The following SNAPC3 variants were observed in gnomAD, a reference collection of about 807,000 sequenced individuals.
SNAPC3 encodes the protein small nuclear RNA activating complex polypeptide 3, also known as snRNA-activating protein complex subunit 3.
In SNAPC3, 56 loss-of-function variants were observed where a neutral mutation model predicts 47.7. The observed-to-expected ratio is 1.18, with a 90% CI of 0.95 to 1.47. The LOEUF (loss-of-function observed/expected upper bound fraction) is 1.47, where lower values mean the gene tolerates loss of function less well. Ranked by LOEUF, SNAPC3 falls within the 40% of genes most tolerant of loss-of-function variation. The probability of loss-of-function intolerance (pLI) is 0.00; values close to 1 mark genes in which losing one functional copy is unlikely to be tolerated. For missense variants in SNAPC3, 665 were observed against 511.3 expected, an observed-to-expected ratio of 1.30 and a Z score of -2.90; for synonymous variants, 235 against 189.9, an observed-to-expected ratio of 1.24 and a Z score of -1.95.
downstream of SNAPC3, chr9:15,462,712 A>C (rs1425191227): frequency 6.6e-6 from 1 of 152,234 alleles, no homozygotes; most frequent in Non-Finnish European, 1.5e-5. Context: ...TTTAAGGACA[A>C]TTAGACATTC....
In SNAPC3 at chr9:15,451,823, T is replaced by C. The variant is rs143349266; in HGVS notation, c.815+421T>C. On this transcript the variant is annotated intron_variant, in intron 6 of 8. Coordinates refer to ENST00000380821, the MANE Select transcript of SNAPC3 (RefSeq NM_001039697.2). ...TCTGCCTATCCAGCATATACTATTG[T>C]TTGCCCTAGGTGATGGTGATATATA... Among the ~76,000 whole-genome samples, 642 of 152,272 alleles carry C rather than the reference T, an allele frequency of 4.2e-3. 10 individuals are homozygous for C. The highest frequency in any genetic ancestry group is 0.015 in the African/African-American group (622 of 41,532).
At chr9:15,464,793 CCAGT>C (rs2035499650), downstream of SNAPC3, 1 of 206,260 alleles carries the variant, frequency 4.8e-6, no homozygotes, top group Non-Finnish European at 9.9e-6. Context: ...CTATATATAC[CCAGT>C]CAGTTGTCTG....
chr9:15,448,848 T>A (rs1345289716), intron 5 of SNAPC3, among the ~76,000 whole-genome samples: 3 of 152,102 alleles, frequency 2.0e-5, no homozygotes, highest in Non-Finnish European at 4.4e-5. Context: ...GGGGCTCTGT[T>A]GCCCAGGCTG....
intron 7 of SNAPC3, among the ~76,000 whole-genome samples, chr9:15,456,373 G>A (rs529505218): frequency 6.6e-6 from 1 of 152,254 alleles, no homozygotes; most frequent in South Asian, 2.1e-4. Flanking sequence ...AAGGCTGAAG[G>A]ATAAAAACAT....
chr9:15,430,344 A>C (rs1424448636), intron 2 of SNAPC3, among the ~76,000 whole-genome samples: 2 of 152,174 alleles, frequency 1.3e-5, no homozygotes, highest in Non-Finnish European at 2.9e-5. Context: ...GGGTGGAAGG[A>C]TCACTTGAGC....
intron 2 of SNAPC3, among the ~76,000 whole-genome samples, chr9:15,426,198 G>T (rs796805145): frequency 6.6e-6 from 1 of 152,096 alleles, no homozygotes; most frequent in Admixed American, 6.6e-5. Context: ...CAGTGTTCCA[G>T]CCACACTGCA....
intron 2 of SNAPC3, among the ~76,000 whole-genome samples, chr9:15,431,259 C>G (rs2032106862): frequency 6.6e-6 from 1 of 152,278 alleles, no homozygotes; most frequent in East Asian, 1.9e-4. Flanking sequence ...TCCACTGATG[C>G]AGTACCATAG....
chr9:15,441,211 A>T, intron 3 of SNAPC3, among the ~76,000 whole-genome samples: 1 of 149,092 alleles, frequency 6.7e-6, no homozygotes, highest in Non-Finnish European at 1.5e-5. Flanking sequence ...TAACGTTATT[A>T]TTATTTTTTT....
chr9:15,427,849 A>C (rs2031627541), intron 2 of SNAPC3, among the ~76,000 whole-genome samples: 1 of 152,138 alleles, frequency 6.6e-6, no homozygotes, highest in African/African-American at 2.4e-5. Flanking sequence ...CCACCAAACC[A>C]ACCACAAATG....
At chr9:15,442,678 C>T (rs1183323850) in intron 3 of SNAPC3, among the ~76,000 whole-genome samples, 2 of 152,100 alleles carry the variant, frequency 1.3e-5, no homozygotes, top group South Asian at 4.1e-4. Flanking sequence ...ACGCTCCGCA[C>T]TTCCCAGACT....
At chr9:15,453,887 C>A (rs2034576660) in intron 7 of SNAPC3, among the ~76,000 whole-genome samples, 1 of 152,046 alleles carries the variant, frequency 6.6e-6, no homozygotes. Flanking sequence ...TGTGTTTGAC[C>A]AGTAATTAGA....
At chr9:15,431,368 T>C (rs887820681) in intron 2 of SNAPC3, among the ~76,000 whole-genome samples, 2 of 152,198 alleles carry the variant, frequency 1.3e-5, no homozygotes, top group Non-Finnish European at 2.9e-5. Context: ...TCCTTCTGTT[T>C]GCTATTATTC....
chr9:15,439,693 C>G (rs543604525), intron 3 of SNAPC3, among the ~76,000 whole-genome samples: 1 of 152,048 alleles, frequency 6.6e-6, no homozygotes, highest in African/African-American at 2.4e-5. Flanking sequence ...CACCACCACA[C>G]CCGGCTAATT....
At chr9:15,452,566 C>T (rs2034471180) in intron 6 of SNAPC3, among the ~76,000 whole-genome samples, 1 of 152,164 alleles carries the variant, frequency 6.6e-6, no homozygotes, top group Admixed American at 6.5e-5. Flanking sequence ...GATCCGCCCA[C>T]CTCGGCCTCC....
At chr9:15,426,521 C>T (rs2031424001) in intron 2 of SNAPC3, among the ~76,000 whole-genome samples, 1 of 152,126 alleles carries the variant, frequency 6.6e-6, no homozygotes, top group Admixed American at 6.5e-5. Context: ...AGTAGGGAGC[C>T]AACAAATATT....
Position 15,423,964 on chromosome 9 carries a change from A to G in SNAPC3, c.370A>G (p.Asn124Asp). Residue 124 changes from asparagine to aspartate, a missense_variant, in exon 2 of 9, where the codon AAT becomes GAT. By Grantham distance (23) the Asn-to-Asp change is conservative (BLOSUM62 1). Coordinates refer to ENST00000380821, the MANE Select transcript of SNAPC3 (RefSeq NM_001039697.2). ...TGAGGATCCAGAAGTCATTCCGGAG[A>G]ATACTGACCTGGTGACTTTGGGGTA... ...DGEDPEVIPE[N>D]TDLVTLGVRK... 2.5e-6 allele frequency: 4 copies of G among 1,583,628 alleles called. No individual in the cohort carries two copies. The highest frequency in any genetic ancestry group is 1.8e-5 in the Admixed American group (1 of 54,422).
chr9:15,453,127 T>G lies in SNAPC3; in HGVS notation c.902T>G (p.Leu301Trp). The G allele has an allele frequency of 6.2e-7, 1 of 1,612,798 alleles. No homozygotes were observed. Among genetic ancestry groups the G allele is most frequent in the Non-Finnish European group, 8.5e-7 (1 of 1,178,798 alleles). The change falls in exon 7 of 9, where the codon TTG (leucine) becomes TGG (tryptophan). Residue 301 changes from leucine (L) to tryptophan (W), a missense_variant. Physicochemically the swap from Leu to Trp is moderately conservative, Grantham distance 61. Transcript: ENST00000380821. The stretch of plus-strand genomic sequence containing the variant: ...ATGGAAGATTTCACCTTCAATGACT[T>G]GTGTATTAAACTGGGTTTTCCTTAC... Reference protein sequence around the residue: ...ARMEDFTFNDLCIKLGFPYLY... With the variant: ...ARMEDFTFNDWCIKLGFPYLY...
intron 7 of SNAPC3, 24 bp downstream of exon 7, chr9:15,453,229 TTTG>T: frequency 6.5e-7 from 1 of 1,546,016 alleles, no homozygotes; most frequent in Non-Finnish European, 8.8e-7. Context: ...CTTAAGACAT[TTTG>T]TTACCTTTTT....
At chr9:15,428,223 C>T (rs1268401357) in intron 2 of SNAPC3, among the ~76,000 whole-genome samples, 1 of 151,846 alleles carries the variant, frequency 6.6e-6, no homozygotes, top group Admixed American at 6.6e-5. Context: ...ATCACTGTGC[C>T]CCAGATGTTA....
Sources: allele counts gnomAD v4.1 joint callset (sites outside exome capture counted in the v4.1 genomes callset), GRCh38; gene constraint gnomAD v4.1.1; transcripts MANE v1.5; gene names NCBI Gene and HGNC (gene_info 2026-07-23, HGNC 2026-07-21).